The following USP24 variants were observed in gnomAD, a reference collection of about 807,000 sequenced individuals.
USP24 encodes the protein ubiquitin specific peptidase 24, also known as ubiquitin carboxyl-terminal hydrolase 24.
A neutral mutation model predicts 361.6 loss-of-function variants in USP24; 97 were observed. The observed-to-expected ratio is 0.27, with a 90% confidence interval of 0.23 to 0.32. USP24 has a LOEUF of 0.32. Ranked by LOEUF, USP24 falls within the 10% of genes least tolerant of loss-of-function variation. The probability of loss-of-function intolerance (pLI) is 1.00; values close to 1 mark genes in which losing one functional copy is unlikely to be tolerated. For synonymous variants in USP24, 1,098 were observed against 1,124.6 expected (o/e 0.98, Z 0.47); for missense variants, 2,353 against 3,165.6 (o/e 0.74, Z 6.16).
In USP24 at chr1:55,074,127, AAC is replaced by A. The variant is rs1484591932; in HGVS notation, c.7448-223_7448-222del. Among the ~76,000 whole-genome samples, 21 of 149,246 alleles carry A rather than the reference AAC, an allele frequency of 1.4e-4. 1 individual carries two copies. The highest frequency in any genetic ancestry group is 8.6e-4 in the Admixed American group (13 of 15,048). ...ATGTTTAAAAAAAAAAAAAAAAAAA[AAC>A]CACAACAAAAAAAACATACATGGTG... On this transcript the variant is annotated intron_variant, in intron 63 of 67. Coordinates refer to ENST00000294383, the MANE Select transcript of USP24 (RefSeq NM_015306.3).
rs1052218775 is a variant in USP24 at position 55,144,244 on chromosome 1, T to A, written c.2363-41A>T. 2.3e-6 allele frequency: 3 copies of A among 1,312,686 alleles called. No homozygotes were observed. In the Admixed American group the frequency reaches 7.3e-5, roughly 32 times the overall value. 81.3% of individuals were successfully genotyped at this position (1,312,686 alleles called of 1,614,324 possible). A position where few individuals can be genotyped will look rare whatever the true frequency, so the allele number is the denominator to read the frequency against. On this transcript the variant is annotated intron_variant, in intron 20 of 67. Transcript: ENST00000294383. ...GCCAAATAAATTCATGTACTCTACGTAACACAGATAATCAATGAAAAGACT... is the reference window on the plus strand; with the variant it reads ...GCCAAATAAATTCATGTACTCTACGAAACACAGATAATCAATGAAAAGACT...
At position 55,137,806 on chromosome 1, in the gene USP24, C is replaced by A; in HGVS notation, c.3027G>T (p.Leu1009=). ...ATCAAAACTGCTTATTTAAACCTAC[C>A]AGGCTATCATTTGTAAATATCTGTA... ...DNIQIFTNDS[L]LTVNKDQKLL... is the part of the protein sequence containing the mutation. Residue 1009 remains leucine, a splice_region_variant and synonymous_variant, in exon 27 of 68, where the codon CTG becomes CTT. Transcript: ENST00000294383. 1 of 1,577,054 alleles carries A rather than the reference C, an allele frequency of 6.3e-7. No homozygotes were observed. Among genetic ancestry groups the A allele is most frequent in the East Asian group, 2.3e-5 (1 of 42,852 alleles).
chr1:55,171,455 A>G, intron 5 of USP24, 101 bp downstream of exon 5: 14 of 1,372,936 alleles, frequency 1.0e-5, no homozygotes, highest in Non-Finnish European at 1.4e-5. Context: ...CATTTTTCAG[A>G]TTGTTTTAAT....
intron 31 of USP24, 21 bp downstream of exon 31, chr1:55,132,524 G>A: frequency 6.3e-7 from 1 of 1,594,344 alleles, no homozygotes. Flanking sequence ...AAATGAAATG[G>A]AAAGAAATTA....
At chr1:55,173,671 G>A (rs1475434366) in intron 3 of USP24, among the ~76,000 whole-genome samples, 1 of 152,190 alleles carries the variant, frequency 6.6e-6, no homozygotes, top group African/African-American at 2.4e-5. Context: ...TGTAATAGCT[G>A]CAGAGAAAAA....
At position 55,180,341 on chromosome 1, in the gene USP24, C is replaced by CA. The variant is rs552835978; in HGVS notation, c.325-2210dup. On this transcript the variant is annotated intron_variant, in intron 1 of 67. Transcript: ENST00000294383. ...TTCTCTCTTGGGACACCCCCTCCTG[C>CA]AACATGGACACCATGTCCTGAGGGA... 4.0e-4 allele frequency among the ~76,000 whole-genome samples: 61 copies of CA among 152,282 alleles called. 1 individual carries two copies. In the South Asian group the frequency reaches 5.8e-3, roughly 14 times the overall value.
At chr1:55,160,299 T>C (rs995810854) in intron 8 of USP24, among the ~76,000 whole-genome samples, 1 of 152,260 alleles carries the variant, frequency 6.6e-6, no homozygotes, top group East Asian at 1.9e-4. Flanking sequence ...AAGAATACAT[T>C]AGCAATGAGC....
intron 1 of USP24, among the ~76,000 whole-genome samples, chr1:55,187,466 T>C (rs187581429): frequency 6.6e-6 from 1 of 152,130 alleles, no homozygotes; most frequent in Admixed American, 6.5e-5. Context: ...AAAGAAAAAA[T>C]AAAAGGCATT....
In USP24 at chr1:55,113,345, C is replaced by A. The variant is rs559786193; in HGVS notation, c.4509-3099G>T. On this transcript the variant is annotated intron_variant, in intron 38 of 67. Coordinates refer to ENST00000294383, the MANE Select transcript of USP24 (RefSeq NM_015306.3). Reference sequence around the variant, plus strand: ...AGACTAAACCAAGAAGAAGTCGAATCCCTGAATAGACCAATAACAAGTTCT... The same window carrying A: ...AGACTAAACCAAGAAGAAGTCGAATACCTGAATAGACCAATAACAAGTTCT... Among the ~76,000 whole-genome samples, 259 of 152,266 alleles carry A rather than the reference C, an allele frequency of 1.7e-3. No homozygotes were observed. In the Middle Eastern group the frequency reaches 0.027, roughly 16 times the overall value.
chr1:55,183,589 A>G (rs1296077666), intron 1 of USP24, among the ~76,000 whole-genome samples: 6 of 152,258 alleles, frequency 3.9e-5, no homozygotes, highest in Admixed American at 3.9e-4. Flanking sequence ...GGAGTAATGG[A>G]CGATTAGAGG....
chr1:55,145,720 C>A (rs1303350053), intron 20 of USP24, among the ~76,000 whole-genome samples: 1 of 152,054 alleles, frequency 6.6e-6, no homozygotes, highest in Non-Finnish European at 1.5e-5. Context: ...TACCTTGATA[C>A]ATTTTTACCT....
At chr1:55,091,212 G>GC (rs35806121) in intron 54 of USP24, among the ~76,000 whole-genome samples, 99,570 of 152,040 alleles carry the variant, frequency 0.65, 35,905 homozygotes, top group East Asian at 0.91. Flanking sequence ...TAGGAACAGG[G>GC]CCGCACAGCA....
At chr1:55,079,981 A>G (rs1050692388) in intron 59 of USP24, among the ~76,000 whole-genome samples, 1 of 152,164 alleles carries the variant, frequency 6.6e-6, no homozygotes, top group African/African-American at 2.4e-5. Context: ...CTCACAGTCT[A>G]GGGGGGATAC....
intron 30 of USP24, 90 bp from the exon 31 acceptor site, chr1:55,132,790 C>T (rs1646629068): frequency 1.5e-6 from 2 of 1,309,868 alleles, no homozygotes; most frequent in Admixed American, 5.7e-5. Flanking sequence ...ATATTCTTTC[C>T]CTCTTTAATA....
At chr1:55,172,639 T>C in intron 3 of USP24, 119 bp from the exon 4 acceptor site, 2 of 1,122,156 alleles carry the variant, frequency 1.8e-6, no homozygotes, top group Non-Finnish European at 2.4e-6. Context: ...TTTATGTAGA[T>C]GATTGGCTTT....
chr1:55,172,446 T>C lies in USP24; in HGVS notation c.633A>G (p.Leu211=), dbSNP rs751659459. The C allele has an allele frequency of 1.9e-6, 3 of 1,613,640 alleles. No homozygotes were observed. The highest frequency in any genetic ancestry group is 1.1e-5 in the South Asian group (1 of 91,056). ...TTATTCTCTCTGCGACCAGTTCTAT[T>C]AATAGCATCAACATGTTGTAAATTC... ...HEGIYNMLML[L]IELVAERIKQ... The change falls in exon 4 of 68, where the codon TTA becomes TTG. Residue 211 remains leucine, a synonymous_variant. Coordinates refer to ENST00000294383, the MANE Select transcript of USP24 (RefSeq NM_015306.3).
chr1:55,085,191 G>A (rs1017802288), intron 56 of USP24, among the ~76,000 whole-genome samples: 10 of 152,028 alleles, frequency 6.6e-5, no homozygotes, highest in Non-Finnish European at 1.2e-4. Flanking sequence ...AGTCTTTGAG[G>A]ACCTTCCTAA....
In USP24 at chr1:55,075,499, C is replaced by G; in HGVS notation, c.7405G>C (p.Glu2469Gln). Residue 2469 changes from glutamate (E) to glutamine (Q), a missense_variant, in exon 63 of 68, where the codon GAG (glutamate) becomes CAG (glutamine). Glu to Gln is a conservative substitution (Grantham distance 29). Around this residue, in one of 8 missense-constraint regions of USP24, gnomAD observed 598 missense variants for 761.9 expected, o/e 0.78. Transcript: ENST00000294383. ...ILVIEDPIQV[E>Q]RVKFVFETEN... ...GTCTCAAACACAAATTTGACTCGCTCTACTTGTATAGGATCTTCAATAACC... is the reference window on the plus strand; with the variant it reads ...GTCTCAAACACAAATTTGACTCGCTGTACTTGTATAGGATCTTCAATAACC... 1 of 1,604,434 alleles carries G rather than the reference C, an allele frequency of 6.2e-7. No individual in the cohort carries two copies.
In USP24 at chr1:55,086,024, T is replaced by A. The variant is rs1265587598; in HGVS notation, c.6683A>T (p.Glu2228Val). The A allele has an allele frequency of 6.2e-7, 1 of 1,613,868 alleles. No individual in the cohort carries two copies. Among genetic ancestry groups the A allele is most frequent in the Admixed American group, 1.7e-5 (1 of 60,006 alleles). The change falls in exon 56 of 68, where the codon GAG (glutamate) becomes GTG (valine). Residue 2228 changes from glutamate to valine, a missense_variant. Transcript: ENST00000294383. ...AACTCGTACTTCTCTCACATTGCAC[T>A]CCAGTAAGAAAATCCTGAAAGAAAG... is the stretch of plus-strand genomic sequence containing the variant. ...GRELIKIFLL[E>V]CNVREVRVAV... is the part of the protein sequence containing the mutation.
Sources: gnomAD v4.1 joint callset for allele counts (sites outside exome capture counted in the v4.1 genomes callset) on GRCh38, gnomAD v4.1.1 for gene constraint, gnomAD v4.1.1 regional missense constraint, MANE v1.5 for transcripts, NCBI Gene and HGNC (gene_info 2026-07-23, HGNC 2026-07-21) for gene names.